Variants in PPM1L observed in about 807,000 individuals in gnomAD.
The protein encoded by PPM1L is protein phosphatase 1L.
A neutral mutation model predicts 31.4 loss-of-function variants in PPM1L; 13 were observed. The observed-to-expected ratio is 0.41, with a 90% confidence interval of 0.27 to 0.66. PPM1L has a LOEUF of 0.66. PPM1L is among the 30% of genes least tolerant of loss of function. The pLI is 0.29. For missense variants in PPM1L, 326 were observed against 453.7 expected (o/e 0.72, Z 2.56); for synonymous variants, 184 against 175.4 (o/e 1.05, Z -0.39).
chr3:161,037,477 C>T (rs974968041), intron 2 of PPM1L, among the ~76,000 whole-genome samples: 4 of 139,342 alleles, frequency 2.9e-5, no homozygotes, highest in Admixed American at 7.8e-5. Flanking sequence ...TGCAATGGTA[C>T]GATCTCAGCT....
In PPM1L at chr3:161,065,551, G is replaced by A. The variant is rs1324405764; in HGVS notation, c.723G>A (p.Arg241=). Residue 241 remains arginine, a synonymous_variant, in exon 3 of 4, where the codon AGG becomes AGA. Transcript: ENST00000498165. The stretch of plus-strand genomic sequence containing the variant: ...CTTACCAGTTGAAGGAAAGAAAGAG[G>A]ATAAAGAGAGCAGGTGAGCTTGTGA... ...HKPYQLKERK[R]IKRAGGFISF... The A allele has an allele frequency of 6.2e-7, 1 of 1,613,860 alleles. No individual in the cohort carries two copies. Among genetic ancestry groups the A allele is most frequent in the East Asian group, 2.2e-5 (1 of 44,882 alleles).
At chr3:160,944,672 A>G (rs550089764) in intron 1 of PPM1L, among the ~76,000 whole-genome samples, 1 of 141,594 alleles carries the variant, frequency 7.1e-6, no homozygotes, top group East Asian at 2.0e-4. Context: ...ACATGAAGGC[A>G]CATAATAAAT....
intron 1 of PPM1L, among the ~76,000 whole-genome samples, chr3:160,789,814 A>C (rs1469910977): frequency 6.6e-6 from 1 of 152,006 alleles, no homozygotes; most frequent in Non-Finnish European, 1.5e-5. Context: ...TCACATGATC[A>C]TGTGTGTATA....
intron 1 of PPM1L, among the ~76,000 whole-genome samples, chr3:160,845,823 T>C (rs951833682): frequency 2.0e-5 from 3 of 152,160 alleles, no homozygotes; most frequent in South Asian, 2.1e-4. Context: ...GCTAAATTTT[T>C]AGGTAAAAAT....
chr3:160,997,020 A>G (rs1015842542), intron 2 of PPM1L, among the ~76,000 whole-genome samples: 1 of 152,140 alleles, frequency 6.6e-6, no homozygotes, highest in African/African-American at 2.4e-5. Context: ...ACAGTGAAAC[A>G]GTGGTGGGGC....
intron 1 of PPM1L, among the ~76,000 whole-genome samples, chr3:160,762,559 T>A (rs988391924): frequency 1.3e-5 from 2 of 152,106 alleles, no homozygotes; most frequent in Non-Finnish European, 2.9e-5. Context: ...AGAGATGAGC[T>A]TTTTTTAAAA....
At chr3:160,888,087 T>C (rs1301597817) in intron 1 of PPM1L, among the ~76,000 whole-genome samples, 3 of 152,008 alleles carry the variant, frequency 2.0e-5, no homozygotes, top group African/African-American at 7.3e-5. Context: ...ACACACAAAA[T>C]ATAAAGACCA....
intron 2 of PPM1L, among the ~76,000 whole-genome samples, chr3:161,038,036 A>G (rs1473510100): frequency 6.6e-6 from 1 of 151,676 alleles, no homozygotes; most frequent in Non-Finnish European, 1.5e-5. Flanking sequence ...GATCGAGACC[A>G]TCCCGGCTAA....
chr3:160,892,120 A>G (rs1328068066), intron 1 of PPM1L, among the ~76,000 whole-genome samples: 1 of 152,190 alleles, frequency 6.6e-6, no homozygotes, highest in Non-Finnish European at 1.5e-5. Context: ...CGTTCTTCAC[A>G]TGTATCCCGG....
At chr3:160,764,301 C>T (rs968386209) in intron 1 of PPM1L, among the ~76,000 whole-genome samples, 4 of 151,518 alleles carry the variant, frequency 2.6e-5, no homozygotes, top group African/African-American at 9.7e-5. Context: ...CCAGCTTCAC[C>T]TTTTTTAAAA....
At chr3:160,799,126 A>G (rs1007662761) in intron 1 of PPM1L, among the ~76,000 whole-genome samples, 7 of 152,242 alleles carry the variant, frequency 4.6e-5, no homozygotes, top group Non-Finnish European at 8.8e-5. Flanking sequence ...AATGGGATCT[A>G]TCCTGGTGAA....
intron 2 of PPM1L, among the ~76,000 whole-genome samples, chr3:161,064,756 T>C (rs1288672318): frequency 6.6e-6 from 1 of 152,146 alleles, no homozygotes; most frequent in African/African-American, 2.4e-5. Flanking sequence ...AATCTTGCTT[T>C]CTTCTGACTC....
rs1358525342 is a variant in PPM1L, at chr3:161,069,273, C to A, written c.*116C>A. On this transcript the variant is annotated 3_prime_UTR_variant, in exon 4 of 4. Coordinates refer to ENST00000498165, the MANE Select transcript of PPM1L (RefSeq NM_139245.4). ...GGATCATCCACCCCAGACATGGAAT[C>A]CCCCCTCCCTGGTGGTCTTAGGTCT... 8 of 796,084 alleles carry A rather than the reference C, an allele frequency of 1.0e-5. No individual in the cohort carries two copies. Among genetic ancestry groups the A allele is most frequent in the Non-Finnish European group, 1.6e-5 (8 of 515,316 alleles). The allele number at this position is 796,084 out of a possible 1,614,324, so 49.3% of individuals were successfully genotyped here.
intron 1 of PPM1L, among the ~76,000 whole-genome samples, chr3:160,762,787 C>T (rs142283901): frequency 2.3e-4 from 35 of 152,160 alleles, no homozygotes; most frequent in African/African-American, 7.2e-4. Flanking sequence ...ATGCAGGCAC[C>T]GTTGGAAGAA....
At chr3:161,067,765 G>T (rs141682779) in intron 3 of PPM1L, among the ~76,000 whole-genome samples, 1 of 152,198 alleles carries the variant, frequency 6.6e-6, no homozygotes, top group East Asian at 1.9e-4. Flanking sequence ...CATGCTTCCT[G>T]GAATGTCCTC....
At chr3:160,957,146 G>T (rs531574261) in intron 1 of PPM1L, among the ~76,000 whole-genome samples, 171 of 152,316 alleles carry the variant, frequency 1.1e-3, no homozygotes, top group African/African-American at 3.9e-3. Flanking sequence ...ACCAATAAGA[G>T]ACCAGAGTAT....
In PPM1L at chr3:160,892,697, G is replaced by A. The variant is rs566390858; in HGVS notation, c.400-69039G>A. ...AAAAAAAAAAGAAATACGTTATTTG[G>A]CTCAGAATTATCAAGAATCTGCTCT... On this transcript the variant is annotated intron_variant, in intron 1 of 3. Coordinates refer to ENST00000498165, the MANE Select transcript of PPM1L (RefSeq NM_139245.4). Among the ~76,000 whole-genome samples the A allele has an allele frequency of 2.6e-5, 4 of 151,858 alleles. No homozygotes were observed. The East Asian group carries it at 7.7e-4, about 29-fold the overall frequency.
intron 1 of PPM1L, among the ~76,000 whole-genome samples, chr3:160,876,110 TA>T (rs1411773570): frequency 6.6e-6 from 1 of 152,182 alleles, no homozygotes; most frequent in Admixed American, 6.5e-5. Flanking sequence ...ATCAATTCCT[TA>T]AATCTGCTTT....
chr3:160,811,346 A>G (rs1354883836), intron 1 of PPM1L, among the ~76,000 whole-genome samples: 1 of 152,262 alleles, frequency 6.6e-6, no homozygotes, highest in Non-Finnish European at 1.5e-5. Flanking sequence ...CTCATCCATC[A>G]GAATCATTGA....
Sources: allele counts gnomAD v4.1 joint callset (sites outside exome capture counted in the v4.1 genomes callset), GRCh38; gene constraint gnomAD v4.1.1; transcripts MANE v1.5; gene names NCBI Gene and HGNC (gene_info 2026-07-23, HGNC 2026-07-21).